LIN54: variants seen among roughly 807,000 people sequenced by gnomAD.
The protein encoded by LIN54 is lin-54 DREAM MuvB core complex component, also known as protein lin-54 homolog.
LIN54 carries 9 observed loss-of-function variants against 78.7 expected under a neutral mutation model. That is an observed-to-expected ratio of 0.11 (90% CI 0.07 to 0.20). The LOEUF (loss-of-function observed/expected upper bound fraction) is 0.20, where lower values mean the gene tolerates loss of function less well. Ranked by LOEUF, LIN54 falls within the 10% of genes least tolerant of loss-of-function variation. The probability of loss-of-function intolerance (pLI) is 1.00; values close to 1 mark genes in which losing one functional copy is unlikely to be tolerated. For synonymous variants in LIN54, 269 were observed against 318.4 expected, an observed-to-expected ratio of 0.84 and a Z score of 1.65; for missense variants, 573 against 889.9, an observed-to-expected ratio of 0.64 and a Z score of 4.53.
At chr4:82,975,124 G>A (rs2126076834) in intron 3 of LIN54, among the ~76,000 whole-genome samples, 1 of 152,212 alleles carries the variant, frequency 6.6e-6, no homozygotes, top group Non-Finnish European at 1.5e-5. Context: ...TTGGAAGGCT[G>A]AGGCAGGTGG....
At chr4:82,979,354 T>C (rs1283483567) in intron 2 of LIN54, among the ~76,000 whole-genome samples, 1 of 152,062 alleles carries the variant, frequency 6.6e-6, no homozygotes, top group Non-Finnish European at 1.5e-5. Flanking sequence ...AATTACTCAA[T>C]AATAAAAAGA....
At chr4:82,982,216 T>A (rs1726734256) in intron 2 of LIN54, among the ~76,000 whole-genome samples, 1 of 152,140 alleles carries the variant, frequency 6.6e-6, no homozygotes, top group African/African-American at 2.4e-5. Flanking sequence ...ATTTATGATA[T>A]CTTTTCCTTT....
intron 2 of LIN54, among the ~76,000 whole-genome samples, chr4:82,980,762 C>T (rs1220001098): frequency 6.6e-6 from 1 of 152,062 alleles, no homozygotes; most frequent in Non-Finnish European, 1.5e-5. Flanking sequence ...TATTAACAAT[C>T]TCTAGAGGTA....
At chr4:82,963,975 T>C (rs527804398) in intron 4 of LIN54, among the ~76,000 whole-genome samples, 116 of 152,332 alleles carry the variant, frequency 7.6e-4, no homozygotes, top group African/African-American at 2.5e-3. Context: ...TAATTTTTTA[T>C]GTATATAATA....
intron 2 of LIN54, among the ~76,000 whole-genome samples, chr4:82,981,688 T>C (rs1726661215): frequency 6.6e-6 from 1 of 152,182 alleles, no homozygotes; most frequent in Admixed American, 6.5e-5. Context: ...TCCTTTTTAT[T>C]GTTTTTTTTA....
intron 4 of LIN54, among the ~76,000 whole-genome samples, chr4:82,947,046 C>A (rs968415183): frequency 1.3e-5 from 2 of 151,332 alleles, no homozygotes; most frequent in African/African-American, 4.9e-5. Flanking sequence ...GAAAAGCCTA[C>A]CTGATACCCT....
chr4:82,959,656 T>G (rs1403601304), intron 4 of LIN54, among the ~76,000 whole-genome samples: 1 of 152,134 alleles, frequency 6.6e-6, no homozygotes, highest in African/African-American at 2.4e-5. Flanking sequence ...CATTAAAAAT[T>G]TTATTGAAAT....
intron 4 of LIN54, among the ~76,000 whole-genome samples, chr4:82,954,988 T>C (rs958080543): frequency 6.6e-6 from 1 of 152,200 alleles, no homozygotes; most frequent in Non-Finnish European, 1.5e-5. Context: ...AAAAAACTGG[T>C]AAGTTAAACT....
At chr4:82,996,403 A>ATATT (rs774826554) in intron 1 of LIN54, among the ~76,000 whole-genome samples, 4 of 151,824 alleles carry the variant, frequency 2.6e-5, no homozygotes, top group Non-Finnish European at 4.4e-5. Context: ...TATGCTTCCA[A>ATATT]TATTTATTTA....
chr4:82,945,437 G>C (rs1480733102), intron 5 of LIN54, among the ~76,000 whole-genome samples: 1 of 151,936 alleles, frequency 6.6e-6, no homozygotes, highest in African/African-American at 2.4e-5. Context: ...GAAAATAGAA[G>C]GACAACAAAC....
intron 11 of LIN54, among the ~76,000 whole-genome samples, chr4:82,935,262 A>G (rs1200043719): frequency 6.8e-6 from 1 of 146,966 alleles, no homozygotes; most frequent in Non-Finnish European, 1.5e-5. Flanking sequence ...TTGTATCCAT[A>G]TATATATATA....
chr4:82,952,583 A>T (rs1289389184), intron 4 of LIN54, among the ~76,000 whole-genome samples: 1 of 152,206 alleles, frequency 6.6e-6, no homozygotes, highest in Non-Finnish European at 1.5e-5. Context: ...TTACCATATG[A>T]TCCAGCAATT....
rs1726961133 is a variant in LIN54 at position 82,984,667 on chromosome 4, G to A, written c.178C>T (p.Pro60Ser). ...ACTGTGATTGGTTCCGTGGAAATGG[G>A]CGTGGCTGTAGAGTCACCAGTAGAA... ...INSTGDSTAT[P>S]ISTEPITVYS... is the part of the protein sequence containing the mutation. Residue 60 changes from proline to serine, a missense_variant, in exon 2 of 13, where the codon CCC becomes TCC. Pro to Ser is a moderately conservative substitution (Grantham distance 74, BLOSUM62 -1). Transcript: ENST00000340417. 4 of 1,614,150 alleles carry A rather than the reference G, an allele frequency of 2.5e-6. No homozygotes were observed. Among genetic ancestry groups the A allele is most frequent in the Non-Finnish European group, 3.4e-6 (4 of 1,180,026 alleles).
At chr4:83,007,439 A>G (rs1040499650) in intron 1 of LIN54, among the ~76,000 whole-genome samples, 1 of 152,230 alleles carries the variant, frequency 6.6e-6, no homozygotes, top group Non-Finnish European at 1.5e-5. Context: ...GTTGCTTATC[A>G]TGTAATCCAA....
intron 12 of LIN54, 28 bp downstream of exon 12, chr4:82,930,915 C>A: frequency 6.2e-7 from 1 of 1,603,100 alleles, no homozygotes; most frequent in Non-Finnish European, 8.5e-7. Context: ...TTGGGAAGTA[C>A]TATAAAAAGA....
At chr4:82,938,329 A>T (rs1722557462) in intron 8 of LIN54, 84 bp downstream of exon 8, 2 of 775,056 alleles carry the variant, frequency 2.6e-6, no homozygotes, top group Non-Finnish European at 4.4e-6. Flanking sequence ...AAAAAATAAA[A>T]GAGGATGTAG....
upstream of LIN54, among the ~76,000 whole-genome samples, chr4:83,012,372 G>A (rs1043105201): frequency 1.3e-5 from 2 of 151,792 alleles, no homozygotes; most frequent in South Asian, 4.2e-4. Context: ...GGGCAGTAGG[G>A]AGAGGAGGGA....
At position 82,927,925 on chromosome 4, in the gene LIN54, AT is replaced by A. The variant is rs1721616316; in HGVS notation, c.*176del. 3.4e-6 allele frequency: 2 copies of A among 593,096 alleles called. No homozygotes were observed. The highest frequency in any genetic ancestry group is 6.0e-6 in the Non-Finnish European group (2 of 335,216). 36.7% of individuals were successfully genotyped at this position (593,096 alleles called of 1,614,324 possible). A position where few individuals can be genotyped will look rare whatever the true frequency, so the allele number is the denominator to read the frequency against. ...AGGGGCATAAGCAGATTTAACTAAG[AT>A]TTAAAATGTACTAATTTCCTCATTT... is the stretch of plus-strand genomic sequence containing the variant. On this transcript the variant is annotated 3_prime_UTR_variant, in exon 13 of 13. Coordinates refer to ENST00000340417, the MANE Select transcript of LIN54 (RefSeq NM_194282.4).
chr4:82,928,339 T>C lies in LIN54; in HGVS notation c.2049-36A>G, dbSNP rs368690465. The C allele has an allele frequency of 5.3e-6, 8 of 1,522,264 alleles. No homozygotes were observed. In the South Asian group the frequency reaches 5.6e-5, roughly 11 times the overall value. The allele number at this position is 1,522,264 out of a possible 1,614,324, so 94.3% of individuals were successfully genotyped here. A position where few individuals can be genotyped will look rare whatever the true frequency, so the allele number is the denominator to read the frequency against. ...TTTTGAAAGAGAAAGATGATGGTGG[T>C]GTTAAATAACAACAAAAGTGGATAA... is the stretch of plus-strand genomic sequence containing the variant. On this transcript the variant is annotated intron_variant, in intron 12 of 12. Transcript: ENST00000340417.
Sources: gnomAD v4.1 joint callset for allele counts (sites outside exome capture counted in the v4.1 genomes callset) on GRCh38, gnomAD v4.1.1 for gene constraint, MANE v1.5 for transcripts, NCBI Gene and HGNC (gene_info 2026-07-23, HGNC 2026-07-21) for gene names.